KIF27: variants seen among roughly 807,000 people sequenced by gnomAD.
The protein encoded by KIF27 is kinesin family member 27.
Under a neutral mutation model 141.8 loss-of-function variants are expected in KIF27, and 84 were observed. That is an observed-to-expected ratio of 0.59 (90% CI 0.50 to 0.71). The LOEUF (loss-of-function observed/expected upper bound fraction) is 0.71, where lower values mean the gene tolerates loss of function less well. Among genes scored for constraint, KIF27 ranks in the 30% least tolerant of loss-of-function variants. The probability of loss-of-function intolerance (pLI) is 0.00; values close to 1 mark genes in which losing one functional copy is unlikely to be tolerated. For synonymous variants in KIF27, 471 were observed against 569.5 expected (o/e 0.83, Z 2.46); for missense variants, 1,306 against 1,628.4 (o/e 0.80, Z 3.41).
intron 1 of KIF27, among the ~76,000 whole-genome samples, chr9:83,920,547 C>G (rs192817572): frequency 6.8e-4 from 104 of 152,184 alleles, no homozygotes; most frequent in African/African-American, 2.3e-3. Flanking sequence ...TCCCAGAAAG[C>G]AGTGGTTGTC....
chr9:83,861,773 G>C (rs1362580706), intron 13 of KIF27, among the ~76,000 whole-genome samples: 3 of 151,394 alleles, frequency 2.0e-5, no homozygotes, highest in African/African-American at 7.3e-5. Context: ...CACAATGGTT[G>C]AACTAGTTTA....
At chr9:83,880,219 A>G (rs1233183381) in intron 11 of KIF27, 78 bp downstream of exon 11, 1 of 1,594,428 alleles carries the variant, frequency 6.3e-7, no homozygotes, top group Non-Finnish European at 8.6e-7. Context: ...AGCCAACTGA[A>G]TGAAGACCAT....
At chr9:83,890,111 C>T (rs1345921850) in intron 6 of KIF27, among the ~76,000 whole-genome samples, 1 of 152,156 alleles carries the variant, frequency 6.6e-6, no homozygotes, top group Non-Finnish European at 1.5e-5. Flanking sequence ...AAAATTATAA[C>T]ATATAGTGGA....
At chr9:83,860,861 C>T (rs1949819216) in intron 13 of KIF27, among the ~76,000 whole-genome samples, 1 of 151,074 alleles carries the variant, frequency 6.6e-6, no homozygotes, top group South Asian at 2.1e-4. Flanking sequence ...CTAGTAGTTT[C>T]CCTGGATAGG....
rs1950488288 is a variant in KIF27 at position 83,867,753 on chromosome 9, T to C, written c.2865A>G (p.Ile955Met). 1 of 1,613,516 alleles carries C rather than the reference T, an allele frequency of 6.2e-7. No homozygotes were observed. Among genetic ancestry groups the C allele is most frequent in the East Asian group, 2.2e-5 (1 of 44,868 alleles). The change falls in exon 13 of 18, where the codon ATA (isoleucine) becomes ATG (methionine). Residue 955 changes from isoleucine (I) to methionine (M), a missense_variant. Coordinates refer to ENST00000297814, the MANE Select transcript of KIF27 (RefSeq NM_017576.4). The stretch of plus-strand genomic sequence containing the variant: ...GTAACAGAGCCTCCTTCTTAGAAAC[T>C]ATGGCCTCCCGTTTCTTTAAGTCTG... ...LEADLKKREA[I>M]VSKKEALLQE...
At chr9:83,842,083 C>G (rs1166792927) in intron 17 of KIF27, among the ~76,000 whole-genome samples, 154 bp downstream of exon 17, 2 of 152,174 alleles carry the variant, frequency 1.3e-5, no homozygotes, top group African/African-American at 4.8e-5. Context: ...TCATGTGGTT[C>G]TACTTTAGAC....
chr9:83,849,783 A>T (rs180816884), intron 16 of KIF27, among the ~76,000 whole-genome samples: 129 of 152,288 alleles, frequency 8.5e-4, no homozygotes, highest in Admixed American at 1.9e-3. Context: ...AAAAAATTCA[A>T]CTGTATACCA....
chr9:83,921,158 C>T (rs569500306), intron 1 of KIF27, among the ~76,000 whole-genome samples: 2 of 152,064 alleles, frequency 1.3e-5, no homozygotes, highest in Admixed American at 1.3e-4. Flanking sequence ...CGACCCCAGA[C>T]CCCTCGGACG....
At position 83,869,631 on chromosome 9, in the gene KIF27, G is replaced by A. The variant is rs568789973; in HGVS notation, c.2757+888C>T. 1.6e-4 allele frequency among the ~76,000 whole-genome samples: 24 copies of A among 152,248 alleles called. 1 individual carries two copies. The South Asian group carries it at 5.0e-3, about 32-fold the overall frequency. Reference sequence around the variant, plus strand: ...GGTCCCAGCCACTTGGGAAGCTGAGGCAAGAGAATGGTGTGAACCCGGGAG... The same window carrying A: ...GGTCCCAGCCACTTGGGAAGCTGAGACAAGAGAATGGTGTGAACCCGGGAG... On this transcript the variant is annotated intron_variant, in intron 12 of 17. Coordinates refer to ENST00000297814, the MANE Select transcript of KIF27 (RefSeq NM_017576.4).
At chr9:83,889,039 C>T in intron 7 of KIF27, 45 bp downstream of exon 7, 2 of 1,557,002 alleles carry the variant, frequency 1.3e-6, no homozygotes, top group Non-Finnish European at 1.7e-6. Context: ...TTTATTGCAG[C>T]ATATAATTCT....
chr9:83,884,709 A>G (rs1951944889), intron 9 of KIF27, among the ~76,000 whole-genome samples: 1 of 152,198 alleles, frequency 6.6e-6, no homozygotes, highest in Non-Finnish European at 1.5e-5. Context: ...CAATCAGTCC[A>G]TATTCAGACT....
chr9:83,842,468 G>A, intron 16 of KIF27, 67 bp from the exon 17 acceptor site: 1 of 1,445,086 alleles, frequency 6.9e-7, no homozygotes, highest in Non-Finnish European at 9.0e-7. Context: ...GTTTTTGTTT[G>A]TTTGTTTTTT....
chr9:83,915,417 C>T lies in KIF27; in HGVS notation c.175G>A (p.Glu59Lys), dbSNP rs779723498. 21 of 1,613,812 alleles carry T rather than the reference C, an allele frequency of 1.3e-5. 1 individual carries two copies. The Admixed American group carries it at 3.5e-4, about 27-fold the overall frequency. The change falls in exon 2 of 18, where the codon GAA (glutamate) becomes AAA (lysine). Residue 59 changes from glutamate to lysine, a missense_variant. Coordinates refer to ENST00000297814, the MANE Select transcript of KIF27 (RefSeq NM_017576.4). ...GGCTTTATACATGTGTTATAAACTTCATCTTGAGTGGAATTTTTGCCAAAA... is the reference window on the plus strand; with the variant it reads ...GGCTTTATACATGTGTTATAAACTTTATCTTGAGTGGAATTTTTGCCAAAA... ...FVFGKNSTQD[E>K]VYNTCIKPLV...
At position 83,887,116 on chromosome 9, in the gene KIF27, C is replaced by G; in HGVS notation, c.2164G>C (p.Ala722Pro). 6.2e-6 allele frequency: 10 copies of G among 1,604,202 alleles called. No homozygotes were observed. The highest frequency in any genetic ancestry group is 7.6e-6 in the Non-Finnish European group (9 of 1,176,532). Residue 722 changes from alanine to proline, a missense_variant, in exon 9 of 18, where the codon GCT becomes CCT. By Grantham distance (27) the Ala-to-Pro change is conservative (BLOSUM62 -1). Transcript: ENST00000297814. ...LKNSERILTEAKQKMRELTIN... is the reference protein window; with the variant it reads ...LKNSERILTEPKQKMRELTIN... ...GTAAGTTCTCTCATTTTTTGTTTAGCTTCAGTAAGTATGCGTTCTGAATTC... is the reference window on the plus strand; with the variant it reads ...GTAAGTTCTCTCATTTTTTGTTTAGGTTCAGTAAGTATGCGTTCTGAATTC...
At chr9:83,917,753 A>C (rs1452472567) in intron 1 of KIF27, among the ~76,000 whole-genome samples, 2 of 152,224 alleles carry the variant, frequency 1.3e-5, no homozygotes, top group Non-Finnish European at 2.9e-5. Flanking sequence ...TGGATAAAAT[A>C]ATGAAGTTGG....
intron 17 of KIF27, among the ~76,000 whole-genome samples, chr9:83,840,406 C>T (rs540829798): frequency 1.3e-5 from 2 of 152,218 alleles, no homozygotes; most frequent in South Asian, 4.1e-4. Context: ...CAGTGTTGTT[C>T]TCATTTTACA....
At chr9:83,904,111 A>G in intron 3 of KIF27, 93 bp from the exon 4 acceptor site, 1 of 867,980 alleles carries the variant, frequency 1.2e-6, no homozygotes, top group South Asian at 2.0e-5. Context: ...TGGCCAAGAT[A>G]GTCCCTTTTT....
chr9:83,879,890 T>G (rs1951531516), intron 11 of KIF27, among the ~76,000 whole-genome samples: 2 of 152,230 alleles, frequency 1.3e-5, no homozygotes, highest in Admixed American at 1.3e-4. Flanking sequence ...TCACTGTGAA[T>G]GAAATGGTAC....
At chr9:83,912,894 A>G (rs914737699) in intron 2 of KIF27, among the ~76,000 whole-genome samples, 4 of 152,076 alleles carry the variant, frequency 2.6e-5, no homozygotes, top group African/African-American at 7.2e-5. Context: ...GGTGGTTCAC[A>G]CCTGTAATCC....
Sources: allele counts gnomAD v4.1 joint callset (sites outside exome capture counted in the v4.1 genomes callset), GRCh38; gene constraint gnomAD v4.1.1; transcripts MANE v1.5; gene names NCBI Gene and HGNC (gene_info 2026-07-23, HGNC 2026-07-21).